The following TTC21B variants were observed in gnomAD, a reference collection of about 807,000 sequenced individuals.
TTC21B encodes tetratricopeptide repeat domain 21B.
A neutral mutation model predicts 175.1 loss-of-function variants in TTC21B; 127 were observed. The observed-to-expected ratio is 0.73, with a 90% CI of 0.63 to 0.84. The LOEUF is 0.84. Among genes scored for constraint, TTC21B ranks in the 40% least tolerant of loss-of-function variants. TTC21B has a pLI of 0.00. For synonymous variants in TTC21B, 524 were observed against 524.5 expected (o/e 1.00, Z 0.01); for missense variants, 1,561 against 1,558.3 (o/e 1.00, Z -0.03).
At chr2:165,952,006 T>G (rs73020732) in intron 1 of TTC21B, among the ~76,000 whole-genome samples, 317 of 152,292 alleles carry the variant, frequency 2.1e-3, no homozygotes, top group African/African-American at 7.3e-3. Context: ...TACACGCTCT[T>G]CCTATTTCCT....
At chr2:165,934,456 C>T (rs1437070973) in intron 6 of TTC21B, among the ~76,000 whole-genome samples, 2 of 138,422 alleles carry the variant, frequency 1.4e-5, no homozygotes, top group African/African-American at 5.6e-5. Flanking sequence ...GAGCCAAGAT[C>T]GCGCCATTGC....
chr2:165,914,680 T>TGTGTGTGTGTGTGTGTGCGCGCGCGC (rs1553511371), intron 15 of TTC21B, among the ~76,000 whole-genome samples: 7 of 144,228 alleles, frequency 4.9e-5, no homozygotes, highest in African/African-American at 1.6e-4. Context: ...TGTGTGTGTG[T>TGTGTGTGTGTGTGTGTGCGCGCGCGC]GTGTGTGTGT....
At chr2:165,915,568 T>C (rs1014792838) in intron 14 of TTC21B, 129 bp from the exon 15 acceptor site, 10 of 896,932 alleles carry the variant, frequency 1.1e-5, no homozygotes, top group South Asian at 7.5e-5. Context: ...AATAAATTGA[T>C]AGAATTTTCT....
chr2:165,913,711 A>G, intron 15 of TTC21B, 65 bp from the exon 16 acceptor site: 1 of 1,347,672 alleles, frequency 7.4e-7, no homozygotes, highest in Non-Finnish European at 1.1e-6. Flanking sequence ...AAATAAAATA[A>G]AATAAAAAAT....
rs1214828339 is a variant in TTC21B at position 165,941,152 on chromosome 2, T to G, written c.585A>C (p.Ser195=). 1 of 1,613,926 alleles carries G rather than the reference T, an allele frequency of 6.2e-7. No homozygotes were observed. The highest frequency in any genetic ancestry group is 1.1e-5 in the South Asian group (1 of 91,084). The part of the protein sequence containing the change: ...AQCLEMRQNY[S]GALETVNQII... ...TCTGGTTCACAGTCTCCAGGGCACC[T>G]GAATAATTCTGGCGCATCTCAAGGC... is the stretch of plus-strand genomic sequence containing the variant. The change falls in exon 6 of 29, where the codon TCA becomes TCC. Residue 195 remains serine, a synonymous_variant. Transcript: ENST00000243344.
intron 13 of TTC21B, among the ~76,000 whole-genome samples, chr2:165,918,526 A>C (rs1437879313): frequency 6.6e-6 from 1 of 151,838 alleles, no homozygotes; most frequent in African/African-American, 2.4e-5. Flanking sequence ...CGATCTCCTG[A>C]CCTTGTGATC....
At chr2:165,883,428 A>C (rs2105283933) in intron 26 of TTC21B, among the ~76,000 whole-genome samples, 1 of 152,300 alleles carries the variant, frequency 6.6e-6, no homozygotes, top group Middle Eastern at 3.4e-3. Context: ...TAAATTCATC[A>C]AGAGTATTTC....
intron 6 of TTC21B, among the ~76,000 whole-genome samples, chr2:165,939,875 T>G (rs992343718): frequency 6.6e-6 from 1 of 152,160 alleles, no homozygotes; most frequent in Non-Finnish European, 1.5e-5. Flanking sequence ...TGCTCTGGAT[T>G]TGAATCCTGA....
rs200780870 is a variant in TTC21B at position 165,920,078 on chromosome 2, T to TG, written c.1517-646_1517-645insC. Among the ~76,000 whole-genome samples, 1,241 of 152,258 alleles carry TG rather than the reference T, an allele frequency of 8.2e-3. 11 individuals are homozygous for TG. Among genetic ancestry groups the TG allele is most frequent in the African/African-American group, 0.027 (1,134 of 41,538 alleles). The stretch of plus-strand genomic sequence containing the variant: ...ATTGACCTCGGGCTGATAGATGCGG[T>TG]AAGAAGAGGCTCTTCAGAGGAAAAC... On this transcript the variant is annotated intron_variant, in intron 12 of 28. Transcript: ENST00000243344.
At chr2:165,911,539 A>G in intron 17 of TTC21B, 74 bp from the exon 18 acceptor site, 2 of 1,557,556 alleles carry the variant, frequency 1.3e-6, no homozygotes, top group South Asian at 2.2e-5. Context: ...TTAATACATT[A>G]CAGACTTAAA....
Position 165,888,380 on chromosome 2 carries a change from C to T in TTC21B, c.3358G>A (p.Val1120Ile), listed in dbSNP as rs746123823. The T allele has an allele frequency of 2.4e-5, 38 of 1,613,684 alleles. No homozygotes were observed. The highest frequency in any genetic ancestry group is 1.8e-4 in the South Asian group (16 of 91,078). Residue 1120 changes from valine to isoleucine, a missense_variant, in exon 25 of 29, where the codon GTA becomes ATA. Physicochemically the swap from Val to Ile is conservative, Grantham distance 29. Coordinates refer to ENST00000243344, the MANE Select transcript of TTC21B (RefSeq NM_024753.5). ...TAGTTTTCCATTATGCGAAGCTGTA[C>T]GTGACCCTGAACAGTCTGAGGTTTT... is the stretch of plus-strand genomic sequence containing the variant. ...ELKPQTVQGH[V>I]QLRIMENYCL...
intron 6 of TTC21B, among the ~76,000 whole-genome samples, chr2:165,937,515 C>A (rs181534235): frequency 5.9e-5 from 9 of 152,108 alleles, no homozygotes; most frequent in Non-Finnish European, 1.2e-4. Context: ...GATAATTAGG[C>A]AGCCTATCTA....
In TTC21B at chr2:165,907,733, G is replaced by A; in HGVS notation, c.2513C>T (p.Ala838Val). 1 of 1,613,172 alleles carries A rather than the reference G, an allele frequency of 6.2e-7. No individual in the cohort carries two copies. The change falls in exon 19 of 29, where the codon GCA becomes GTA. Residue 838 changes from alanine to valine, a missense_variant. By Grantham distance (64) the Ala-to-Val change is moderately conservative. Coordinates refer to ENST00000243344, the MANE Select transcript of TTC21B (RefSeq NM_024753.5). ...TTTTTCCATTTTACTATAAACTTTTGCTAGAAGAACTTGACAACGTCCATC... is the reference window on the plus strand; with the variant it reads ...TTTTTCCATTTTACTATAAACTTTTACTAGAAGAACTTGACAACGTCCATC... ...MEDGRCQVLL[A>V]KVYSKMEKLG...
intron 6 of TTC21B, 113 bp downstream of exon 6, chr2:165,940,914 T>C: frequency 8.7e-7 from 1 of 1,153,728 alleles, no homozygotes; most frequent in Non-Finnish European, 1.3e-6. Context: ...GGTTCCACAC[T>C]GTTTGAAAAA....
chr2:165,888,793 A>G (rs968744118), intron 24 of TTC21B, among the ~76,000 whole-genome samples: 1 of 152,208 alleles, frequency 6.6e-6, no homozygotes, highest in Admixed American at 6.5e-5. Context: ...ATAAAACTAT[A>G]AGTAGAATCA....
intron 8 of TTC21B, among the ~76,000 whole-genome samples, chr2:165,931,085 T>A (rs191297437): frequency 1.3e-5 from 2 of 152,248 alleles, no homozygotes; most frequent in Admixed American, 1.3e-4. Context: ...ACTTTCGTTA[T>A]AGCATGGAGT....
intron 18 of TTC21B, among the ~76,000 whole-genome samples, chr2:165,910,264 G>A (rs1340147629): frequency 1.3e-5 from 2 of 152,080 alleles, no homozygotes; most frequent in South Asian, 2.1e-4. Flanking sequence ...TTAGCCGGGC[G>A]TGGTGGCAGG....
rs778387871 is a variant in TTC21B, at chr2:165,943,228, C to A, written c.543G>T (p.Leu181=). 114 of 1,613,482 alleles carry A rather than the reference C, an allele frequency of 7.1e-5. No individual in the cohort carries two copies. Among genetic ancestry groups the A allele is most frequent in the Non-Finnish European group, 8.7e-5 (103 of 1,179,622 alleles). Residue 181 remains leucine, a synonymous_variant, in exon 5 of 29, where the codon CTG becomes CTT. Transcript: ENST00000243344. ...CCTAACTCCAACTCACCTTACCCAG[C>A]AGAGCAAAAGTATCATTCCCATCTT... ...GLQDGNDTFA[L]LGKAQCLEMR...
chr2:165,883,010 G>C (rs1684886499), intron 26 of TTC21B, among the ~76,000 whole-genome samples: 1 of 152,032 alleles, frequency 6.6e-6, no homozygotes. Flanking sequence ...TCCTAGGAAA[G>C]TATCTTAATA....
Sources: allele counts gnomAD v4.1 joint callset (sites outside exome capture counted in the v4.1 genomes callset), GRCh38; gene constraint gnomAD v4.1.1; transcripts MANE v1.5; gene names NCBI Gene and HGNC (gene_info 2026-07-23, HGNC 2026-07-21).